The following EDDM3A variants were observed in gnomAD, a reference collection of about 807,000 sequenced individuals.
EDDM3A encodes epididymal secretory protein E3-alpha.
For synonymous variants in EDDM3A, 75 were observed against 60.4 expected, an observed-to-expected ratio of 1.24 and a Z score of -1.12; for missense variants, 199 against 177.4, an observed-to-expected ratio of 1.12 and a Z score of -0.69.
At chr14:20,742,366 CTT>C (rs1256517477), upstream of EDDM3A, among the ~76,000 whole-genome samples, 1 of 152,210 alleles carries the variant, frequency 6.6e-6, no homozygotes, top group African/African-American at 2.4e-5. Flanking sequence ...TTCCTCCAGT[CTT>C]TGTACTCAAC....
chr14:20,741,975 G>A, upstream of EDDM3A, among the ~76,000 whole-genome samples: 1 of 152,218 alleles, frequency 6.6e-6, no homozygotes, highest in East Asian at 1.9e-4. Flanking sequence ...ATTTCCAACT[G>A]TGACAGACTT....
At chr14:20,742,623 G>A (rs143535163), upstream of EDDM3A, among the ~76,000 whole-genome samples, 149 of 152,240 alleles carry the variant, frequency 9.8e-4, 4 homozygotes, top group East Asian at 0.026. Context: ...GAGAGACAGG[G>A]TCTCACTCAG....
At position 20,748,071 on chromosome 14, in the gene EDDM3A, C is replaced by T. The variant is rs1186522113; in HGVS notation, c.*47C>T. 1 of 1,474,812 alleles carries T rather than the reference C, an allele frequency of 6.8e-7. No homozygotes were observed. Among genetic ancestry groups the T allele is most frequent in the South Asian group, 1.4e-5 (1 of 73,236 alleles). The allele number at this position is 1,474,812 out of a possible 1,614,324, so 91.4% of individuals were successfully genotyped here. A position where few individuals can be genotyped will look rare whatever the true frequency, so the allele number is the denominator to read the frequency against. ...ATATTGGTAGAGTATTCAGTGCTTCCAAAGTGGTGGGCCCTGCCTCCATCA... is the reference window on the plus strand; with the variant it reads ...ATATTGGTAGAGTATTCAGTGCTTCTAAAGTGGTGGGCCCTGCCTCCATCA... On this transcript the variant is annotated 3_prime_UTR_variant, in exon 2 of 2. Coordinates refer to ENST00000326842, the MANE Select transcript of EDDM3A (RefSeq NM_006683.5).
chr14:20,737,358 A>G, the EDDM3A span, among the ~76,000 whole-genome samples: 1 of 152,144 alleles, frequency 6.6e-6, no homozygotes, highest in Non-Finnish European at 1.5e-5. Flanking sequence ...CACCACACCC[A>G]GCCCAAAACT....
the EDDM3A span, among the ~76,000 whole-genome samples, chr14:20,736,868 G>A: frequency 6.6e-6 from 1 of 151,888 alleles, no homozygotes; most frequent in South Asian, 2.1e-4. Context: ...GAGCCACCAT[G>A]CCTGGCTAAT....
At chr14:20,744,434 T>C (rs1216831056), upstream of EDDM3A, among the ~76,000 whole-genome samples, 5 of 152,206 alleles carry the variant, frequency 3.3e-5, no homozygotes, top group Non-Finnish European at 7.3e-5. Flanking sequence ...GAAGTGTTGT[T>C]AGAAAAGATT....
At chr14:20,737,112 G>A in the EDDM3A span, among the ~76,000 whole-genome samples, 8 of 148,084 alleles carry the variant, frequency 5.4e-5, no homozygotes, top group South Asian at 1.7e-3. Context: ...GGAGTGCAAT[G>A]GTGCAATCTC....
upstream of EDDM3A, among the ~76,000 whole-genome samples, chr14:20,742,188 A>G (rs950527980): frequency 1.3e-5 from 2 of 152,210 alleles, no homozygotes; most frequent in Non-Finnish European, 2.9e-5. Context: ...AAGAATTCCT[A>G]CAAGAGGTGG....
At chr14:20,739,128 T>C in the EDDM3A span, among the ~76,000 whole-genome samples, 3 of 152,222 alleles carry the variant, frequency 2.0e-5, no homozygotes, top group Non-Finnish European at 4.4e-5. Context: ...TGGCGGCATA[T>C]TCTGATCTCC....
rs1216146174 is a variant in EDDM3A at position 20,747,918 on chromosome 14, G to A, written c.338G>A (p.Arg113Lys). 1 of 1,614,014 alleles carries A rather than the reference G, an allele frequency of 6.2e-7. No homozygotes were observed. The highest frequency in any genetic ancestry group is 8.5e-7 in the Non-Finnish European group (1 of 1,180,036). ...TGTCACTGGGAGAAGTACAACAATA[G>A]GTACACAGAGAGCAGAAGCTTCAGC... ...LECHWEKYNNRYTESRSFSYI... is the reference protein window; with the variant it reads ...LECHWEKYNNKYTESRSFSYI... Residue 113 changes from arginine (R) to lysine (K), a missense_variant, in exon 2 of 2, where the codon AGG becomes AAG. Arg to Lys is a conservative substitution (Grantham distance 26). Coordinates refer to ENST00000326842, the MANE Select transcript of EDDM3A (RefSeq NM_006683.5).
the EDDM3A span, among the ~76,000 whole-genome samples, chr14:20,737,401 C>A: frequency 0.01 from 1,570 of 152,100 alleles, 18 homozygotes; most frequent in African/African-American, 0.036. Context: ...CTGGGGACCT[C>A]GTACATGCCA....
the EDDM3A span, among the ~76,000 whole-genome samples, chr14:20,737,363 A>G: frequency 1.6e-4 from 24 of 152,256 alleles, no homozygotes; most frequent in Non-Finnish European, 3.2e-4. Flanking sequence ...CACCCAGCCC[A>G]AAACTGGTAG....
At chr14:20,746,394 A>G (rs888785906) in intron 1 of EDDM3A, among the ~76,000 whole-genome samples, 2 of 152,154 alleles carry the variant, frequency 1.3e-5, no homozygotes, top group African/African-American at 4.8e-5. Flanking sequence ...CGATACTCAG[A>G]GCTATGAATC....
At chr14:20,737,392 T>G in the EDDM3A span, among the ~76,000 whole-genome samples, 1 of 152,040 alleles carries the variant, frequency 6.6e-6, no homozygotes, top group African/African-American at 2.4e-5. Flanking sequence ...GAGAGTGAAC[T>G]GGGGACCTCG....
chr14:20,747,125 C>T (rs374216422), intron 1 of EDDM3A, among the ~76,000 whole-genome samples: 39 of 99,226 alleles, frequency 3.9e-4, no homozygotes, highest in African/African-American at 1.2e-3. Context: ...TTTTTTGAGA[C>T]GGAGTTTTGC....
the EDDM3A span, among the ~76,000 whole-genome samples, chr14:20,739,771 T>C: frequency 6.6e-6 from 1 of 152,180 alleles, no homozygotes; most frequent in East Asian, 1.9e-4. Flanking sequence ...TAGTTACACA[T>C]TAATCATTGC....
At chr14:20,738,546 G>A in the EDDM3A span, among the ~76,000 whole-genome samples, 3 of 151,886 alleles carry the variant, frequency 2.0e-5, no homozygotes, top group East Asian at 1.9e-4. Context: ...TACATATGGG[G>A]AAAAATACTA....
At chr14:20,743,542 T>TAAC (rs1217996541), upstream of EDDM3A, among the ~76,000 whole-genome samples, 1 of 143,450 alleles carries the variant, frequency 7.0e-6, no homozygotes, top group Non-Finnish European at 1.5e-5. Context: ...ATTCCAAAAA[T>TAAC]AATAATAATA....
the EDDM3A span, among the ~76,000 whole-genome samples, chr14:20,739,006 C>T: frequency 0.034 from 5,193 of 152,260 alleles, 301 homozygotes; most frequent in African/African-American, 0.12. Flanking sequence ...TATGAATGCA[C>T]GTTACCCTTA....
Sources: allele counts gnomAD v4.1 joint callset (sites outside exome capture counted in the v4.1 genomes callset), GRCh38; gene constraint gnomAD v4.1.1; transcripts MANE v1.5; gene names NCBI Gene and HGNC (gene_info 2026-07-23, HGNC 2026-07-21).